Variants in RTF1 observed in about 807,000 individuals in gnomAD.
RTF1 encodes the protein RNA polymerase-associated protein RTF1 homolog.
In RTF1, 10 loss-of-function variants were observed where a neutral mutation model predicts 95.7. The observed-to-expected ratio is 0.10, with a 90% CI of 0.06 to 0.18. RTF1 has a LOEUF of 0.18. RTF1 is among the 10% of genes least tolerant of loss of function. The pLI is 1.00. For synonymous variants in RTF1, 305 were observed against 311.8 expected, an observed-to-expected ratio of 0.98 and a Z score of 0.23; for missense variants, 458 against 875.6, an observed-to-expected ratio of 0.52 and a Z score of 6.02.
At chr15:41,480,126 T>G in intron 16 of RTF1, 88 bp from the exon 17 acceptor site, 1 of 824,662 alleles carries the variant, frequency 1.2e-6, no homozygotes, top group Non-Finnish European at 2.0e-6. Context: ...TGAACTCAAA[T>G]AAGAGCTTCG....
chr15:41,432,975 G>A (rs946742184), intron 1 of RTF1, among the ~76,000 whole-genome samples: 9 of 151,646 alleles, frequency 5.9e-5, no homozygotes, highest in African/African-American at 1.7e-4. Flanking sequence ...TACTGAGGTC[G>A]GCTGCGGTGG....
rs1566850273 is a variant in RTF1 at position 41,477,525 on chromosome 15, C to A, written c.1740+10C>A. On this transcript the variant is annotated intron_variant, in intron 14 of 17. Coordinates refer to ENST00000389629, the MANE Select transcript of RTF1 (RefSeq NM_015138.5). ...TGAGAAGGCCCTTGTGGTAAGAAAA[C>A]TTTATCTGAATCACTAAAACAAAGT... 2 of 1,611,576 alleles carry A rather than the reference C, an allele frequency of 1.2e-6. No individual in the cohort carries two copies. The highest frequency in any genetic ancestry group is 8.5e-7 in the Non-Finnish European group (1 of 1,177,680).
chr15:41,442,766 G>A (rs1013388413), intron 2 of RTF1, among the ~76,000 whole-genome samples: 10 of 152,160 alleles, frequency 6.6e-5, no homozygotes, highest in African/African-American at 1.9e-4. Flanking sequence ...GGCACCTGTA[G>A]TCCTAGCTAC....
chr15:41,465,825 A>G (rs2050877780), intron 5 of RTF1, among the ~76,000 whole-genome samples: 1 of 152,206 alleles, frequency 6.6e-6, no homozygotes. Flanking sequence ...TCAGAAAAAC[A>G]ACAAAAAAAG....
chr15:41,427,984 A>G (rs2050645241), intron 1 of RTF1, among the ~76,000 whole-genome samples: 1 of 151,594 alleles, frequency 6.6e-6, no homozygotes, highest in African/African-American at 2.4e-5. Context: ...ACGGGGTTTC[A>G]CCATGCTGGC....
intron 3 of RTF1, 30 bp from the exon 4 acceptor site, chr15:41,457,642 T>C (rs768800785): frequency 6.2e-7 from 1 of 1,606,876 alleles, no homozygotes; most frequent in Admixed American, 1.7e-5. Flanking sequence ...TGTAGCATAG[T>C]GTAATCTTGT....
chr15:41,461,555 C>T (rs371403204), intron 4 of RTF1, among the ~76,000 whole-genome samples: 15 of 150,494 alleles, frequency 1.0e-4, no homozygotes, highest in African/African-American at 3.7e-4. Flanking sequence ...TGCAGTGGCG[C>T]AACCTCGGCT....
intron 4 of RTF1, among the ~76,000 whole-genome samples, chr15:41,464,181 A>T (rs2050868064): frequency 6.7e-6 from 1 of 148,684 alleles, no homozygotes; most frequent in African/African-American, 2.5e-5. Context: ...TTTGAGATGG[A>T]ATCTCACTCT....
chr15:41,443,927 G>T (rs2140954286), intron 2 of RTF1, among the ~76,000 whole-genome samples: 1 of 151,844 alleles, frequency 6.6e-6, no homozygotes, highest in African/African-American at 2.4e-5. Flanking sequence ...AATTAGCCGG[G>T]CGTGGTGGCG....
intron 2 of RTF1, chr15:41,448,822 A>G (rs1362198450): frequency 6.6e-6 from 1 of 152,220 alleles, no homozygotes; most frequent in East Asian, 1.9e-4. Flanking sequence ...CTAATTTTAG[A>G]TATGTGCTGC....
chr15:41,422,081 C>A (rs1184788398), intron 1 of RTF1, among the ~76,000 whole-genome samples: 1 of 152,110 alleles, frequency 6.6e-6, no homozygotes, highest in Admixed American at 6.6e-5. Flanking sequence ...ATCGCCCAGA[C>A]TGGAGTACAA....
At chr15:41,473,675 A>G (rs1414434397) in intron 8 of RTF1, among the ~76,000 whole-genome samples, 2 of 151,802 alleles carry the variant, frequency 1.3e-5, no homozygotes, top group Non-Finnish European at 2.9e-5. Context: ...CGATCCTCCT[A>G]CAACAGCCTC....
chr15:41,477,569 A>G, intron 14 of RTF1, 54 bp downstream of exon 14: 1 of 1,506,740 alleles, frequency 6.6e-7, no homozygotes, highest in South Asian at 1.1e-5. Flanking sequence ...AAACCATGAC[A>G]TCTTTTCTAC....
intron 12 of RTF1, 54 bp from the exon 13 acceptor site, chr15:41,477,111 A>G (rs2050945396): frequency 1.2e-6 from 2 of 1,611,712 alleles, no homozygotes; most frequent in Admixed American, 3.3e-5. Context: ...GATACTTGAT[A>G]TGGAGTCAGT....
chr15:41,440,225 CTG>C (rs2050726160), intron 2 of RTF1: 1 of 138,032 alleles, frequency 7.2e-6, no homozygotes, highest in East Asian at 2.2e-4. Flanking sequence ...GCGTCTCACT[CTG>C]TCACCCAGGC....
chr15:41,479,864 C>CAA (rs72095200), intron 16 of RTF1, among the ~76,000 whole-genome samples: 6 of 86,048 alleles, frequency 7.0e-5, no homozygotes, highest in Non-Finnish European at 1.3e-4. Flanking sequence ...ACTCCCACCT[C>CAA]AAAAAAAAAA....
chr15:41,453,828 A>T (rs1014489653), intron 3 of RTF1, among the ~76,000 whole-genome samples: 2 of 152,186 alleles, frequency 1.3e-5, no homozygotes, highest in Admixed American at 6.6e-5. Flanking sequence ...CCTGTAAATT[A>T]TAAAAATTTT....
intron 7 of RTF1, among the ~76,000 whole-genome samples, chr15:41,470,750 C>G (rs1276545206): frequency 6.6e-6 from 1 of 150,978 alleles, no homozygotes; most frequent in Non-Finnish European, 1.5e-5. Context: ...GCTCCGCCTC[C>G]CGGGTTCACG....
At chr15:41,473,705 G>A (rs2050927488) in intron 8 of RTF1, among the ~76,000 whole-genome samples, 1 of 152,024 alleles carries the variant, frequency 6.6e-6, no homozygotes, top group Admixed American at 6.6e-5. Flanking sequence ...TAGGACTGTA[G>A]GTGCACACCA....
Sources: gnomAD v4.1 joint callset for allele counts (sites outside exome capture counted in the v4.1 genomes callset) on GRCh38, gnomAD v4.1.1 for gene constraint, MANE v1.5 for transcripts, NCBI Gene and HGNC (gene_info 2026-07-23, HGNC 2026-07-21) for gene names.